ANXA4: variants seen among roughly 807,000 people sequenced by gnomAD.
The protein encoded by ANXA4 is annexin A4, also known as 35-beta calcimedin.
A neutral mutation model predicts 49.8 loss-of-function variants in ANXA4; 39 were observed. The observed-to-expected ratio is 0.78, with a 90% CI of 0.61 to 1.02. The LOEUF is 1.02. Ranked by LOEUF, ANXA4 falls within the 50% of genes least tolerant of loss-of-function variation. The pLI is 0.00. For synonymous variants in ANXA4, 134 were observed against 152.5 expected, an observed-to-expected ratio of 0.88 and a Z score of 0.89; for missense variants, 360 against 410.1, an observed-to-expected ratio of 0.88 and a Z score of 1.05.
intron 3 of ANXA4, among the ~76,000 whole-genome samples, chr2:69,793,721 C>T (rs1000519627): frequency 6.6e-6 from 1 of 151,956 alleles, no homozygotes; most frequent in Non-Finnish European, 1.5e-5. Context: ...CCAGGGGCTC[C>T]GAGGAAAACA....
At chr2:69,712,382 A>G (rs1167237090) in intron 2 of ANXA4, among the ~76,000 whole-genome samples, 1 of 152,222 alleles carries the variant, frequency 6.6e-6, no homozygotes, top group Non-Finnish European at 1.5e-5. Flanking sequence ...TTACCGGGTT[A>G]TTCACTCCGA....
chr2:69,753,300 A>G (rs1299743871), intron 1 of ANXA4, among the ~76,000 whole-genome samples: 1 of 152,154 alleles, frequency 6.6e-6, no homozygotes, highest in African/African-American at 2.4e-5. Context: ...CTTGCATAAG[A>G]ATCAGGGCCT....
intron 3 of ANXA4, among the ~76,000 whole-genome samples, chr2:69,728,837 G>GC (rs397950952): frequency 2.1e-3 from 1 of 476 alleles, no homozygotes; most frequent in Non-Finnish European, 4.8e-3. Context: ...TGCTCTTTTT[G>GC]TCGTTTGCAT....
intron 2 of ANXA4, chr2:69,713,741 C>T (rs1678763538): frequency 6.6e-6 from 1 of 152,314 alleles, no homozygotes; most frequent in Admixed American, 6.5e-5. Flanking sequence ...TCTGCTGCTG[C>T]CCTGAAGGCA....
chr2:69,672,651 T>C (rs1238813307), intron 2 of ANXA4, among the ~76,000 whole-genome samples: 1 of 152,160 alleles, frequency 6.6e-6, no homozygotes, highest in Non-Finnish European at 1.5e-5. Flanking sequence ...GATACCTACA[T>C]GTGTAGAAAT....
chr2:69,643,979 C>A, upstream of ANXA4: 1 of 866,568 alleles, frequency 1.2e-6, no homozygotes. Context: ...AGCCGCAGGG[C>A]AAGCTGGGAA....
intron 2 of ANXA4, among the ~76,000 whole-genome samples, chr2:69,657,252 CA>C (rs1676539386): frequency 6.6e-6 from 1 of 152,072 alleles, no homozygotes; most frequent in Admixed American, 6.5e-5. Context: ...CTCGACCTCC[CA>C]AAGTGCTAGG....
At chr2:69,757,603 A>G (rs557166565) in intron 1 of ANXA4, among the ~76,000 whole-genome samples, 1 of 151,790 alleles carries the variant, frequency 6.6e-6, no homozygotes, top group African/African-American at 2.4e-5. Flanking sequence ...GATAAATCCC[A>G]AGAAGTAGAA....
intron 2 of ANXA4, among the ~76,000 whole-genome samples, chr2:69,656,321 A>ATGTATATATATG (rs1289627955): frequency 1.0e-5 from 1 of 98,916 alleles, no homozygotes; most frequent in Non-Finnish European, 1.7e-5. Flanking sequence ...ATGTATATAT[A>ATGTATATATATG]TGTATATATA....
intron 3 of ANXA4, among the ~76,000 whole-genome samples, chr2:69,796,908 C>T (rs574248358): frequency 6.6e-6 from 1 of 152,102 alleles, no homozygotes; most frequent in Non-Finnish European, 1.5e-5. Context: ...TGCTTGCTAA[C>T]GTCTGGGTTG....
chr2:69,662,520 A>C (rs921568690), intron 2 of ANXA4, among the ~76,000 whole-genome samples: 1 of 152,150 alleles, frequency 6.6e-6, no homozygotes, highest in Non-Finnish European at 1.5e-5. Context: ...GGGCTACTGT[A>C]CTGAAATTGA....
At chr2:69,671,331 A>G (rs1160770070) in intron 2 of ANXA4, among the ~76,000 whole-genome samples, 2 of 152,234 alleles carry the variant, frequency 1.3e-5, no homozygotes, top group Non-Finnish European at 2.9e-5. Context: ...AAAGTTTAGC[A>G]TCCTGAATAT....
At chr2:69,751,305 G>A (rs553496514) in intron 1 of ANXA4, among the ~76,000 whole-genome samples, 2 of 152,200 alleles carry the variant, frequency 1.3e-5, no homozygotes, top group African/African-American at 4.8e-5. Flanking sequence ...CCTGAGCTCA[G>A]GGGTTCGAGA....
At chr2:69,655,819 A>C (rs567823814) in intron 2 of ANXA4, among the ~76,000 whole-genome samples, 1 of 152,346 alleles carries the variant, frequency 6.6e-6, no homozygotes, top group African/African-American at 2.4e-5. Context: ...AAAATGTGGC[A>C]CATATACACC....
At chr2:69,695,864 TA>T (rs1678143127) in intron 2 of ANXA4, among the ~76,000 whole-genome samples, 2 of 152,148 alleles carry the variant, frequency 1.3e-5, no homozygotes, top group South Asian at 4.1e-4. Flanking sequence ...GCAATAGCAT[TA>T]CGTCTTAAAA....
intron 1 of ANXA4, among the ~76,000 whole-genome samples, chr2:69,761,844 T>C (rs1486790170): frequency 6.6e-6 from 1 of 151,958 alleles, no homozygotes; most frequent in Non-Finnish European, 1.5e-5. Flanking sequence ...AATTTAATTA[T>C]GTTAAAATAA....
chr2:69,694,048 C>G (rs1678070633), intron 2 of ANXA4, among the ~76,000 whole-genome samples: 1 of 152,136 alleles, frequency 6.6e-6, no homozygotes, highest in Non-Finnish European at 1.5e-5. Flanking sequence ...TCCAACGTAT[C>G]TGATTATCAT....
At chr2:69,656,280 TATATATAC>T (rs1289537026) in intron 2 of ANXA4, among the ~76,000 whole-genome samples, 2 of 125,944 alleles carry the variant, frequency 1.6e-5, no homozygotes, top group Admixed American at 1.0e-4. Context: ...TATATACGTA[TATATATAC>T]ATATATGTAT....
intron 2 of ANXA4, among the ~76,000 whole-genome samples, chr2:69,663,902 A>G (rs1370805694): frequency 6.6e-6 from 1 of 152,240 alleles, no homozygotes; most frequent in African/African-American, 2.4e-5. Context: ...GAATTAAATA[A>G]TTCAATTATA....
Sources: allele counts gnomAD v4.1 joint callset (sites outside exome capture counted in the v4.1 genomes callset), GRCh38; gene constraint gnomAD v4.1.1; transcripts MANE v1.5; gene names NCBI Gene and HGNC (gene_info 2026-07-23, HGNC 2026-07-21).